Variants in GRIN2A observed in about 807,000 individuals in gnomAD.
The protein encoded by GRIN2A is glutamate receptor ionotropic, NMDA 2A.
A neutral mutation model predicts 113.4 loss-of-function variants in GRIN2A; 22 were observed. That is an observed-to-expected ratio of 0.19 (90% CI 0.14 to 0.28). The LOEUF is 0.28. GRIN2A is among the 10% of genes least tolerant of loss of function. The pLI is 1.00. For missense variants in GRIN2A, 1,502 were observed against 1,887.0 expected (o/e 0.80, Z 3.78); for synonymous variants, 827 against 738.4 (o/e 1.12, Z -1.94).
intron 2 of GRIN2A, among the ~76,000 whole-genome samples, chr16:10,130,735 G>A (rs1167316450): frequency 1.3e-5 from 2 of 152,154 alleles, no homozygotes; most frequent in East Asian, 1.9e-4. Flanking sequence ...CGCTTCTCCT[G>A]CAACTTCTCG....
At chr16:9,895,561 G>GC (rs1426250631) in intron 3 of GRIN2A, among the ~76,000 whole-genome samples, 2 of 152,214 alleles carry the variant, frequency 1.3e-5, no homozygotes, top group African/African-American at 4.8e-5. Context: ...AACAGATGAG[G>GC]CTTTGTAGTA....
rs147419479 is a variant in GRIN2A at position 9,813,908 on chromosome 16, C to T, written c.2168+8356G>A. On this transcript the variant is annotated intron_variant, in intron 10 of 12. Coordinates refer to ENST00000330684, the MANE Select transcript of GRIN2A (RefSeq NM_001134407.3). ...GAACCCTGATGTCTATGCCCGCTTT[C>T]GAATTCAGCAGCTGGAAATGAACCA... Among the ~76,000 whole-genome samples the T allele has an allele frequency of 4.5e-4, 69 of 152,226 alleles. No individual in the cohort carries two copies. The East Asian group carries it at 0.013, about 29-fold the overall frequency.
intron 2 of GRIN2A, among the ~76,000 whole-genome samples, chr16:10,120,057 T>C (rs1248482962): frequency 2.0e-5 from 3 of 152,222 alleles, no homozygotes; most frequent in Non-Finnish European, 4.4e-5. Context: ...TATGCATATA[T>C]CTTTATATAA....
chr16:10,007,295 C>T (rs72774059), intron 2 of GRIN2A, among the ~76,000 whole-genome samples: 2 of 152,132 alleles, frequency 1.3e-5, no homozygotes, highest in African/African-American at 4.8e-5. Flanking sequence ...CAGCATTCAT[C>T]ATTGCCTGTC....
rs764204930 is a variant in GRIN2A at position 9,764,295 on chromosome 16, C to A, written c.3249G>T (p.Lys1083Asn). ...EPDNSKNHKT[K>N]DNFKRSVASK... Reference sequence around the variant, plus strand: ...AGGCCACTGACCTTTTAAAGTTGTCCTTGGTTTTGTGGTTCTTACTGTTGT... The same window carrying A: ...AGGCCACTGACCTTTTAAAGTTGTCATTGGTTTTGTGGTTCTTACTGTTGT... Residue 1083 changes from lysine (K) to asparagine (N), a missense_variant, in exon 13 of 13, where the codon AAG becomes AAT. By Grantham distance (94) the Lys-to-Asn change is moderately conservative (BLOSUM62 0). This residue lies in a region of GRIN2A where 832 missense variants were observed against 789.7 expected (regional missense o/e 1.05). Transcript: ENST00000330684. The A allele has an allele frequency of 1.2e-6, 2 of 1,613,792 alleles. No homozygotes were observed. Among genetic ancestry groups the A allele is most frequent in the Admixed American group, 1.7e-5 (1 of 59,984 alleles).
intron 3 of GRIN2A, among the ~76,000 whole-genome samples, chr16:9,899,734 A>G (rs919924169): frequency 4.6e-5 from 7 of 152,114 alleles, no homozygotes; most frequent in African/African-American, 1.7e-4. Flanking sequence ...ACTCTAAAAC[A>G]CCTAGAAGAG....
intron 2 of GRIN2A, among the ~76,000 whole-genome samples, chr16:10,039,632 G>T (rs1219348816): frequency 6.6e-6 from 1 of 151,772 alleles, no homozygotes; most frequent in Non-Finnish European, 1.5e-5. Flanking sequence ...GAGGGTCTGC[G>T]CGGGGAGGGT....
At chr16:10,133,626 A>G (rs2049120021) in intron 2 of GRIN2A, among the ~76,000 whole-genome samples, 1 of 152,078 alleles carries the variant, frequency 6.6e-6, no homozygotes, top group Non-Finnish European at 1.5e-5. Flanking sequence ...TAATAATTAT[A>G]AATAAATAAA....
At chr16:9,834,661 C>T (rs551747826) in intron 7 of GRIN2A, among the ~76,000 whole-genome samples, 4 of 152,192 alleles carry the variant, frequency 2.6e-5, no homozygotes, top group East Asian at 1.9e-4. Flanking sequence ...GGATTACAGG[C>T]GTGAGCCACT....
chr16:9,977,181 A>C (rs1446489830), intron 2 of GRIN2A, among the ~76,000 whole-genome samples: 1 of 151,998 alleles, frequency 6.6e-6, no homozygotes, highest in Non-Finnish European at 1.5e-5. Flanking sequence ...AATCCCAGCT[A>C]CTTGGGAGGC....
intron 2 of GRIN2A, among the ~76,000 whole-genome samples, chr16:10,089,012 T>C (rs552009639): frequency 6.6e-6 from 1 of 152,356 alleles, no homozygotes; most frequent in Admixed American, 6.5e-5. Flanking sequence ...TCTCTCCTCA[T>C]GCCTCAGTTT....
At chr16:9,766,752 A>AAATC (rs574207789) in intron 12 of GRIN2A, among the ~76,000 whole-genome samples, 26 of 151,964 alleles carry the variant, frequency 1.7e-4, no homozygotes, top group Middle Eastern at 3.4e-3. Context: ...AAATCAAATC[A>AAATC]AATCAATCAA....
chr16:9,780,442 A>G (rs763438724), intron 11 of GRIN2A, among the ~76,000 whole-genome samples: 5 of 152,254 alleles, frequency 3.3e-5, no homozygotes, highest in Non-Finnish European at 5.9e-5. Context: ...ATATGTATCA[A>G]TGTCACAAGA....
chr16:10,082,121 G>A (rs2047996989), intron 2 of GRIN2A, among the ~76,000 whole-genome samples: 1 of 152,160 alleles, frequency 6.6e-6, no homozygotes, highest in South Asian at 2.1e-4. Flanking sequence ...TGTCTCCAGT[G>A]GTTCCACTTT....
At chr16:9,984,837 G>T (rs879520305) in intron 2 of GRIN2A, among the ~76,000 whole-genome samples, 1 of 152,028 alleles carries the variant, frequency 6.6e-6, no homozygotes, top group Non-Finnish European at 1.5e-5. Flanking sequence ...ATTAGTTTTT[G>T]GTTTTTTATT....
chr16:10,002,882 G>A (rs1478451345), intron 2 of GRIN2A, among the ~76,000 whole-genome samples: 1 of 152,164 alleles, frequency 6.6e-6, no homozygotes. Context: ...TTTGGAGAAA[G>A]GCATTTCATG....
At chr16:9,958,956 A>C (rs2045369658) in intron 2 of GRIN2A, among the ~76,000 whole-genome samples, 1 of 152,288 alleles carries the variant, frequency 6.6e-6, no homozygotes, top group Non-Finnish European at 1.5e-5. Context: ...GTTGGTAGGG[A>C]AAAGGCACAA....
intron 2 of GRIN2A, among the ~76,000 whole-genome samples, chr16:10,159,988 A>G (rs1395856950): frequency 6.6e-6 from 1 of 152,188 alleles, no homozygotes; most frequent in African/African-American, 2.4e-5. Flanking sequence ...TAGTAAAGGA[A>G]AGGAAACAGA....
At chr16:9,791,815 C>T (rs994755236) in intron 11 of GRIN2A, among the ~76,000 whole-genome samples, 1 of 152,072 alleles carries the variant, frequency 6.6e-6, no homozygotes, top group East Asian at 1.9e-4. Context: ...AAAAAGGACT[C>T]AGGATGCCAA....
Sources: allele counts gnomAD v4.1 joint callset (sites outside exome capture counted in the v4.1 genomes callset), GRCh38; gene constraint gnomAD v4.1.1; regional missense constraint gnomAD v4.1.1; transcripts MANE v1.5; gene names NCBI Gene and HGNC (gene_info 2026-07-23, HGNC 2026-07-21).